The following ASTN2 variants were observed in gnomAD, a reference collection of about 807,000 sequenced individuals.
ASTN2 encodes the protein astrotactin 2.
Under a neutral mutation model 139.8 loss-of-function variants are expected in ASTN2, and 54 were observed. The observed-to-expected ratio is 0.39, with a 90% CI of 0.31 to 0.48. The LOEUF is 0.48. Ranked by LOEUF, ASTN2 falls within the 20% of genes least tolerant of loss-of-function variation. ASTN2 has a pLI of 0.95. For synonymous variants in ASTN2, 756 were observed against 719.5 expected (o/e 1.05, Z -0.81); for missense variants, 1,565 against 1,725.1 (o/e 0.91, Z 1.64).
chr9:116,977,404 C>G (rs538567501), intron 7 of ASTN2, among the ~76,000 whole-genome samples: 21 of 152,248 alleles, frequency 1.4e-4, no homozygotes, highest in African/African-American at 4.6e-4. Flanking sequence ...CTCCCTCTCT[C>G]TTGCCATTCT....
At chr9:117,226,357 G>C (rs1013722939) in intron 2 of ASTN2, among the ~76,000 whole-genome samples, 3 of 152,218 alleles carry the variant, frequency 2.0e-5, no homozygotes, top group Non-Finnish European at 1.5e-5. Flanking sequence ...TCATCTTAAT[G>C]AGACTAACAT....
chr9:116,555,048 G>C (rs1354974478), intron 19 of ASTN2, among the ~76,000 whole-genome samples: 3 of 152,036 alleles, frequency 2.0e-5, no homozygotes, highest in African/African-American at 7.2e-5. Flanking sequence ...ATGAACTTCA[G>C]TTTTCATGAC....
At chr9:116,457,098 G>T (rs887078871) in intron 20 of ASTN2, among the ~76,000 whole-genome samples, 8 of 151,496 alleles carry the variant, frequency 5.3e-5, no homozygotes, top group African/African-American at 1.9e-4. Context: ...ACACACATTG[G>T]GGAAGGAACA....
chr9:116,774,830 G>A (rs950465050), intron 13 of ASTN2, among the ~76,000 whole-genome samples: 1 of 152,132 alleles, frequency 6.6e-6, no homozygotes, highest in Non-Finnish European at 1.5e-5. Flanking sequence ...AATATGCAGG[G>A]CCTTCGGTAT....
At chr9:116,984,122 C>T (rs1343871308) in intron 7 of ASTN2, among the ~76,000 whole-genome samples, 1 of 152,218 alleles carries the variant, frequency 6.6e-6, no homozygotes, top group Non-Finnish European at 1.5e-5. Context: ...GTACTCTCAG[C>T]ATCTGAGTGA....
chr9:117,115,556 T>C lies in ASTN2; in HGVS notation c.1169-19405A>G, dbSNP rs988987157. 1.3e-4 allele frequency among the ~76,000 whole-genome samples: 20 copies of C among 152,086 alleles called. No individual in the cohort carries two copies. In the East Asian group the frequency reaches 1.6e-3, roughly 12 times the overall value. ...AAAACAAAACAAAATATCTATTCTATACTATGGTCACAAGTCTTAAGTGAG... is the reference window on the plus strand; with the variant it reads ...AAAACAAAACAAAATATCTATTCTACACTATGGTCACAAGTCTTAAGTGAG... On this transcript the variant is annotated intron_variant, in intron 4 of 22. Transcript: ENST00000313400.
At chr9:117,363,964 C>T (rs1829763074) in intron 1 of ASTN2, among the ~76,000 whole-genome samples, 2 of 152,140 alleles carry the variant, frequency 1.3e-5, no homozygotes, top group South Asian at 2.1e-4. Context: ...GTTTTGTATC[C>T]ACCTGTCTAA....
chr9:117,107,988 A>T (rs569552564), intron 4 of ASTN2, among the ~76,000 whole-genome samples: 4 of 152,302 alleles, frequency 2.6e-5, no homozygotes, highest in Admixed American at 2.0e-4. Context: ...AAGGAGCAGG[A>T]GGTAAGAAAG....
At chr9:117,271,605 A>G (rs929899213) in intron 2 of ASTN2, among the ~76,000 whole-genome samples, 3 of 152,196 alleles carry the variant, frequency 2.0e-5, no homozygotes, top group African/African-American at 7.2e-5. Flanking sequence ...CTGTAAAATC[A>G]AAAGCAAGGT....
chr9:117,220,735 C>G (rs1832486927), intron 2 of ASTN2, among the ~76,000 whole-genome samples: 1 of 152,124 alleles, frequency 6.6e-6, no homozygotes, highest in African/African-American at 2.4e-5. Context: ...GGACTTCTGG[C>G]CTCCTGAACC....
At chr9:116,446,337 T>A (rs1847999928) in intron 20 of ASTN2, among the ~76,000 whole-genome samples, 1 of 148,682 alleles carries the variant, frequency 6.7e-6, no homozygotes, top group Admixed American at 6.7e-5. Flanking sequence ...TTTCTTGAGA[T>A]CAGAAAGGGT....
At chr9:116,648,947 T>C (rs4837715) in intron 17 of ASTN2, among the ~76,000 whole-genome samples, 22,756 of 151,930 alleles carry the variant, frequency 0.15, 1,804 homozygotes, top group Middle Eastern at 0.2. Flanking sequence ...GGCAGAAGAA[T>C]TGTTTGAACC....
chr9:117,225,390 T>C (rs968191967), intron 2 of ASTN2, among the ~76,000 whole-genome samples: 12 of 151,214 alleles, frequency 7.9e-5, no homozygotes, highest in African/African-American at 4.9e-5. Flanking sequence ...TTTAGGAGGA[T>C]TGAGTTTCTT....
chr9:117,364,950 AACACACACACACACACACACACACACAC>A (rs71379275), intron 1 of ASTN2, among the ~76,000 whole-genome samples: 6 of 121,462 alleles, frequency 4.9e-5, no homozygotes, highest in Non-Finnish European at 6.7e-5. Context: ...CCATCTCTAC[AACACACACACACACACACACACACACAC>A]ACACACACAC....
intron 3 of ASTN2, among the ~76,000 whole-genome samples, chr9:117,146,279 C>T (rs890850969): frequency 1.3e-5 from 2 of 152,044 alleles, no homozygotes; most frequent in Non-Finnish European, 2.9e-5. Flanking sequence ...GCAACAGATG[C>T]TGCTTGATCT....
chr9:117,320,262 A>G (rs565184107), intron 1 of ASTN2, among the ~76,000 whole-genome samples: 2 of 152,282 alleles, frequency 1.3e-5, no homozygotes, highest in East Asian at 3.9e-4. Flanking sequence ...TAAAATACAG[A>G]ACTGAACTGA....
chr9:116,773,090 T>A (rs554943608), intron 13 of ASTN2, among the ~76,000 whole-genome samples: 3 of 151,676 alleles, frequency 2.0e-5, no homozygotes, highest in African/African-American at 7.2e-5. Context: ...ATCCTATTTT[T>A]TTTTTTTTTT....
chr9:116,523,246 G>A (rs1850954848), intron 19 of ASTN2, among the ~76,000 whole-genome samples: 2 of 151,708 alleles, frequency 1.3e-5, no homozygotes, highest in African/African-American at 4.8e-5. Context: ...AGAAGGCAGT[G>A]TGGTAGCAAA....
chr9:117,079,036 A>G (rs1348406094), intron 5 of ASTN2, among the ~76,000 whole-genome samples: 1 of 152,166 alleles, frequency 6.6e-6, no homozygotes, highest in Non-Finnish European at 1.5e-5. Flanking sequence ...GCACCCGGCC[A>G]TCAACTATGG....
Sources: allele counts gnomAD v4.1 joint callset (sites outside exome capture counted in the v4.1 genomes callset), GRCh38; gene constraint gnomAD v4.1.1; transcripts MANE v1.5; gene names NCBI Gene and HGNC (gene_info 2026-07-23, HGNC 2026-07-21).